The following SDK1 variants were observed in gnomAD, a reference collection of about 807,000 sequenced individuals.
SDK1 encodes protein sidekick-1.
SDK1 carries 157 observed loss-of-function variants against 245.5 expected under a neutral mutation model. That is an observed-to-expected ratio of 0.64 (90% CI 0.56 to 0.73). SDK1 has a LOEUF of 0.73. Among genes scored for constraint, SDK1 ranks in the 30% least tolerant of loss-of-function variants. SDK1 has a pLI of 0.00. For missense variants in SDK1, 3,583 were observed against 3,002.3 expected, an observed-to-expected ratio of 1.19 and a Z score of -4.52; for synonymous variants, 1,647 against 1,278.5, an observed-to-expected ratio of 1.29 and a Z score of -6.15.
At chr7:3,597,240 C>G (rs1304768758) in intron 1 of SDK1, among the ~76,000 whole-genome samples, 1 of 147,282 alleles carries the variant, frequency 6.8e-6, no homozygotes, top group Non-Finnish European at 1.5e-5. Flanking sequence ...CCACTGCACT[C>G]CAGCCTGGTC....
rs1417954037 is a variant in SDK1, at chr7:3,458,211, A to G, written c.298+156327A>G. The stretch of plus-strand genomic sequence containing the variant: ...TGGTGGGTTATTTAATCTGGAAACT[A>G]ATGTTTTTCTTTTGTGGGAAGATAT... On this transcript the variant is annotated intron_variant, in intron 1 of 44. Coordinates refer to ENST00000404826, the MANE Select transcript of SDK1 (RefSeq NM_152744.4). 9.9e-5 allele frequency among the ~76,000 whole-genome samples: 15 copies of G among 151,870 alleles called. No individual in the cohort carries two copies. In the East Asian group the frequency reaches 2.9e-3, roughly 29 times the overall value.
At chr7:3,916,594 A>G (rs1346186123) in intron 5 of SDK1, among the ~76,000 whole-genome samples, 1 of 152,254 alleles carries the variant, frequency 6.6e-6, no homozygotes, top group Non-Finnish European at 1.5e-5. Context: ...CATGGCCTCA[A>G]CTAATTACTT....
At chr7:4,184,858 C>G (rs2128221004) in intron 35 of SDK1, among the ~76,000 whole-genome samples, 1 of 152,318 alleles carries the variant, frequency 6.6e-6, no homozygotes, top group South Asian at 2.1e-4. Context: ...AGCGCCCCAG[C>G]AAGCTGCTCC....
chr7:4,020,072 T>C (rs1253925173), intron 17 of SDK1, among the ~76,000 whole-genome samples: 1 of 151,832 alleles, frequency 6.6e-6, no homozygotes, highest in Non-Finnish European at 1.5e-5. Flanking sequence ...CTAAACCTAT[T>C]CCTGGGCCAC....
rs538518598 is a variant in SDK1, at chr7:4,191,284, G to A, written c.5098+12698G>A. On this transcript the variant is annotated intron_variant, in intron 35 of 44. Coordinates refer to ENST00000404826, the MANE Select transcript of SDK1 (RefSeq NM_152744.4). ...CACATGGGTGTCCTCCTGGCCCCCA[G>A]GCCAGGGTTCCCTTTCGTGCTCAGG... Among the ~76,000 whole-genome samples, 15 of 152,306 alleles carry A rather than the reference G, an allele frequency of 9.8e-5. No homozygotes were observed. The South Asian group carries it at 3.1e-3, about 32-fold the overall frequency.
At chr7:4,050,167 A>G (rs929828571) in intron 18 of SDK1, among the ~76,000 whole-genome samples, 5 of 152,220 alleles carry the variant, frequency 3.3e-5, no homozygotes, top group African/African-American at 1.2e-4. Flanking sequence ...AGCTCTATAC[A>G]GTGAAGGGAT....
At chr7:3,545,780 T>G (rs1354041218) in intron 1 of SDK1, among the ~76,000 whole-genome samples, 8 of 152,318 alleles carry the variant, frequency 5.3e-5, no homozygotes, top group African/African-American at 1.7e-4. Context: ...TCTGTTAATT[T>G]TGGTGCTGTC....
intron 17 of SDK1, among the ~76,000 whole-genome samples, chr7:4,030,648 C>T (rs1041719065): frequency 6.6e-6 from 1 of 152,178 alleles, no homozygotes; most frequent in Non-Finnish European, 1.5e-5. Flanking sequence ...AAGAAGCGTT[C>T]GGCACCAACA....
At chr7:3,952,084 A>G (rs1780879940) in intron 7 of SDK1, 164 bp downstream of exon 7, 4 of 636,598 alleles carry the variant, frequency 6.3e-6, no homozygotes, top group South Asian at 2.0e-5. Flanking sequence ...CTTCTTTCCC[A>G]AGAATATAAG....
chr7:4,204,981 C>T (rs1192125477), intron 35 of SDK1, among the ~76,000 whole-genome samples: 1 of 151,992 alleles, frequency 6.6e-6, no homozygotes, highest in Non-Finnish European at 1.5e-5. Flanking sequence ...GGAGGTGCGG[C>T]CACACCCCTA....
intron 22 of SDK1, among the ~76,000 whole-genome samples, chr7:4,084,012 C>A (rs1161601806): frequency 6.6e-6 from 1 of 152,116 alleles, no homozygotes; most frequent in Non-Finnish European, 1.5e-5. Context: ...TCTCATCCAT[C>A]CATGATCTTT....
intron 5 of SDK1, among the ~76,000 whole-genome samples, chr7:3,942,587 TG>T (rs1303882854): frequency 2.3e-5 from 3 of 128,690 alleles, no homozygotes; most frequent in African/African-American, 6.7e-5. Flanking sequence ...TGTGTGTGTG[TG>T]TTTTAAAAAA....
intron 1 of SDK1, among the ~76,000 whole-genome samples, chr7:3,403,396 T>C (rs1195216735): frequency 2.0e-5 from 3 of 152,186 alleles, no homozygotes; most frequent in African/African-American, 4.8e-5. Context: ...TTGTTAGTTA[T>C]TATTGCTCAT....
chr7:3,935,166 G>A (rs1016677368), intron 5 of SDK1, among the ~76,000 whole-genome samples: 5 of 152,138 alleles, frequency 3.3e-5, no homozygotes, highest in African/African-American at 7.2e-5. Flanking sequence ...TGAGTGCCAG[G>A]GACGATGGGC....
At chr7:4,245,557 C>G in intron 43 of SDK1, 119 bp from the exon 44 acceptor site, 1 of 1,220,842 alleles carries the variant, frequency 8.2e-7, no homozygotes, top group South Asian at 1.5e-5. Flanking sequence ...AAAGTGATGT[C>G]AAAGGCTGTG....
At chr7:4,070,551 C>T (rs560197422) in intron 20 of SDK1, among the ~76,000 whole-genome samples, 6 of 152,264 alleles carry the variant, frequency 3.9e-5, no homozygotes, top group African/African-American at 1.4e-4. Flanking sequence ...TGACCTCTTT[C>T]TACACAGAAC....
intron 1 of SDK1, among the ~76,000 whole-genome samples, chr7:3,540,861 C>T (rs1779034341): frequency 6.6e-6 from 1 of 152,158 alleles, no homozygotes; most frequent in African/African-American, 2.4e-5. Flanking sequence ...AAGGAATTTA[C>T]ATGAAACTGT....
intron 32 of SDK1, among the ~76,000 whole-genome samples, chr7:4,173,823 G>C (rs534646184): frequency 1.0e-3 from 154 of 152,262 alleles, no homozygotes; most frequent in African/African-American, 3.6e-3. Flanking sequence ...AGGGAGGGTG[G>C]GGTCAGCTGG....
chr7:3,804,528 C>G (rs1779192188), intron 4 of SDK1, among the ~76,000 whole-genome samples: 1 of 152,068 alleles, frequency 6.6e-6, no homozygotes, highest in Admixed American at 6.6e-5. Context: ...GCTTCTTTTT[C>G]AAAATTGTTT....
Sources: gnomAD v4.1 joint callset for allele counts (sites outside exome capture counted in the v4.1 genomes callset) on GRCh38, gnomAD v4.1.1 for gene constraint, MANE v1.5 for transcripts, NCBI Gene and HGNC (gene_info 2026-07-23, HGNC 2026-07-21) for gene names.